JAM3: variants seen among roughly 807,000 people sequenced by gnomAD.
JAM3 encodes junctional adhesion molecule C.
In JAM3, 31 loss-of-function variants were observed where a neutral mutation model predicts 39.4. The ratio of observed to expected loss-of-function variants is 0.79; its 90% confidence interval spans 0.59 to 1.06. The LOEUF (loss-of-function observed/expected upper bound fraction) is 1.06. Ranked by LOEUF, JAM3 falls within the 50% of genes least tolerant of loss-of-function variation. The pLI, the probability that JAM3 is intolerant of heterozygous loss-of-function variation, is 0.00. For missense variants in JAM3, 455 were observed against 391.4 expected, an observed-to-expected ratio of 1.16 and a Z score of -1.37; for synonymous variants, 182 against 148.7, an observed-to-expected ratio of 1.22 and a Z score of -1.63.
chr11:134,144,658 G>A (rs1565505568), intron 4 of JAM3, 134 bp from the exon 5 acceptor site: 2 of 890,038 alleles, frequency 2.2e-6, no homozygotes, highest in East Asian at 5.0e-5. Flanking sequence ...GTCTGCAGTT[G>A]TGATCCTGGG....
chr11:134,075,707 A>G (rs1052697618), intron 1 of JAM3, among the ~76,000 whole-genome samples: 3 of 152,086 alleles, frequency 2.0e-5, no homozygotes, highest in Non-Finnish European at 4.4e-5. Context: ...GATTATGGGC[A>G]TACACCACCA....
rs1012879703 is a variant in JAM3, at chr11:134,149,906, G to C, written c.*725G>C. 1.1e-5 allele frequency: 2 copies of C among 177,774 alleles called. No homozygotes were observed. The highest frequency in any genetic ancestry group is 5.9e-5 in the Admixed American group (1 of 16,922). 11.0% of individuals were successfully genotyped at this position (177,774 alleles called of 1,614,324 possible). A position where few individuals can be genotyped will look rare whatever the true frequency, so the allele number is the denominator to read the frequency against. ...TGAAATATGCTTTTCTATGGGTCTT[G>C]TTTATTTTATAAAATTTTACATCTA... On this transcript the variant is annotated 3_prime_UTR_variant, in exon 9 of 9. Transcript: ENST00000299106.
chr11:134,081,168 A>G (rs983276719), intron 1 of JAM3, among the ~76,000 whole-genome samples: 4 of 152,240 alleles, frequency 2.6e-5, no homozygotes, highest in African/African-American at 9.6e-5. Context: ...TAAGAGAAGC[A>G]GAGCATAAAA....
At chr11:134,103,519 C>T (rs903989214) in intron 1 of JAM3, among the ~76,000 whole-genome samples, 2 of 152,152 alleles carry the variant, frequency 1.3e-5, no homozygotes, top group Non-Finnish European at 1.5e-5. Flanking sequence ...ACAATATTAA[C>T]CTTAAATGTA....
intron 1 of JAM3, among the ~76,000 whole-genome samples, chr11:134,103,347 G>A (rs1319667937): frequency 6.6e-6 from 1 of 152,074 alleles, no homozygotes; most frequent in Non-Finnish European, 1.5e-5. Flanking sequence ...TGCCCTACAA[G>A]AGCTCCTGAA....
At chr11:134,143,787 AAG>A (rs1401384517) in intron 3 of JAM3, among the ~76,000 whole-genome samples, 2 of 152,202 alleles carry the variant, frequency 1.3e-5, no homozygotes, top group Non-Finnish European at 2.9e-5. Context: ...GCATTTTTCT[AAG>A]AGTTTTATAG....
chr11:134,079,292 A>G (rs1941625361), intron 1 of JAM3, among the ~76,000 whole-genome samples: 1 of 152,196 alleles, frequency 6.6e-6, no homozygotes, highest in Non-Finnish European at 1.5e-5. Flanking sequence ...ATTCCACACT[A>G]GACAGCCACC....
intron 1 of JAM3, among the ~76,000 whole-genome samples, chr11:134,100,944 A>G (rs1489234700): frequency 6.6e-6 from 1 of 152,202 alleles, no homozygotes; most frequent in African/African-American, 2.4e-5. Context: ...AAAGTTAACT[A>G]AAGTTAATTT....
chr11:134,072,918 A>G (rs1941506694), intron 1 of JAM3, among the ~76,000 whole-genome samples: 1 of 152,212 alleles, frequency 6.6e-6, no homozygotes, highest in South Asian at 2.1e-4. Context: ...CTTGGGGGAA[A>G]AAAAAAGATG....
rs1192032835 is a variant in JAM3 at position 134,093,613 on chromosome 11, T to TA, written c.76+24455dup. Among the ~76,000 whole-genome samples the TA allele has an allele frequency of 4.9e-5, 6 of 121,864 alleles. 1 individual carries two copies. Among genetic ancestry groups the TA allele is most frequent in the Non-Finnish European group, 1.0e-4 (6 of 59,322 alleles). 79.9% of individuals were successfully genotyped at this position (121,864 alleles called of 152,430 possible). ...CCTCCTTATTCATCATGTTCCACCT[T>TA]ACATCTTATTCGTCATGTTCCATCT... On this transcript the variant is annotated intron_variant, in intron 1 of 8. Transcript: ENST00000299106.
Position 134,140,748 on chromosome 11 carries a change from G to A in JAM3, c.234G>A (p.Val78=). The part of the protein sequence containing the change: ...KKIQDEQTTY[V]FFDNKIQGDL... The stretch of plus-strand genomic sequence containing the variant: ...TTCAAGATGAACAAACCACATATGT[G>A]TTTTTTGACAACAAAATTCAGGGTA... The change falls in exon 3 of 9, where the codon GTG becomes GTA. Residue 78 remains valine (V), a synonymous_variant. Coordinates refer to ENST00000299106, the MANE Select transcript of JAM3 (RefSeq NM_032801.5). 1 of 1,613,596 alleles carries A rather than the reference G, an allele frequency of 6.2e-7. No individual in the cohort carries two copies. The highest frequency in any genetic ancestry group is 2.2e-5 in the East Asian group (1 of 44,848).
At chr11:134,095,609 G>A (rs1565486970) in intron 1 of JAM3, among the ~76,000 whole-genome samples, 2 of 147,262 alleles carry the variant, frequency 1.4e-5, no homozygotes, top group African/African-American at 2.6e-5. Context: ...CCAGCCTGGC[G>A]ACAGAATGAG....
intron 1 of JAM3, among the ~76,000 whole-genome samples, chr11:134,100,564 G>A (rs930054441): frequency 2.0e-5 from 3 of 152,126 alleles, no homozygotes; most frequent in African/African-American, 7.2e-5. Flanking sequence ...AACTGCTAGT[G>A]AGCTCCTTGA....
chr11:134,110,255 T>C (rs1328550330), intron 1 of JAM3, among the ~76,000 whole-genome samples: 1 of 152,152 alleles, frequency 6.6e-6, no homozygotes, highest in Admixed American at 6.5e-5. Context: ...AAAAGTGTGA[T>C]TAAAAATGAA....
intron 3 of JAM3, among the ~76,000 whole-genome samples, chr11:134,143,992 A>G (rs1487737620): frequency 1.3e-5 from 2 of 152,284 alleles, no homozygotes; most frequent in East Asian, 3.9e-4. Flanking sequence ...CCTGGTTTTA[A>G]TGACGGAGAC....
At chr11:134,087,208 TAC>T (rs535110623) in intron 1 of JAM3, among the ~76,000 whole-genome samples, 1 of 151,382 alleles carries the variant, frequency 6.6e-6, no homozygotes. Flanking sequence ...ATGAAGGAGA[TAC>T]ACACACACGC....
At chr11:134,081,635 C>G (rs969945298) in intron 1 of JAM3, among the ~76,000 whole-genome samples, 4 of 152,210 alleles carry the variant, frequency 2.6e-5, no homozygotes, top group Admixed American at 6.5e-5. Flanking sequence ...GCCTGGATGT[C>G]CAGGCAGAAG....
chr11:134,110,342 A>G (rs1163458202), intron 1 of JAM3, among the ~76,000 whole-genome samples: 1 of 152,256 alleles, frequency 6.6e-6, no homozygotes, highest in East Asian at 1.9e-4. Flanking sequence ...ATGTTTATAC[A>G]AAGATTTGTA....
At chr11:134,141,267 T>C (rs1469329513) in intron 3 of JAM3, among the ~76,000 whole-genome samples, 3 of 151,852 alleles carry the variant, frequency 2.0e-5, no homozygotes, top group South Asian at 4.2e-4. Flanking sequence ...CAGGGAAGGC[T>C]CCCCAAAGTG....
Sources: allele counts gnomAD v4.1 joint callset (sites outside exome capture counted in the v4.1 genomes callset), GRCh38; gene constraint gnomAD v4.1.1; transcripts MANE v1.5; gene names NCBI Gene and HGNC (gene_info 2026-07-23, HGNC 2026-07-21).